The following EGFL7 variants were observed in gnomAD, a reference collection of about 807,000 sequenced individuals.
The protein encoded by EGFL7 is epidermal growth factor-like protein 7.
Under a neutral mutation model 37.1 loss-of-function variants are expected in EGFL7, and 48 were observed. The observed-to-expected ratio is 1.29, with a 90% CI of 1.03 to 1.65. The LOEUF (loss-of-function observed/expected upper bound fraction) is 1.65. Ranked by LOEUF, EGFL7 falls within the 40% of genes most tolerant of loss-of-function variation. The probability of loss-of-function intolerance (pLI) is 0.00; values close to 1 mark genes in which losing one functional copy is unlikely to be tolerated. For missense variants in EGFL7, 384 were observed against 378.9 expected (o/e 1.01, Z -0.11); for synonymous variants, 180 against 156.8 (o/e 1.15, Z -1.10).
Position 136,669,905 on chromosome 9 carries a change from C to T in EGFL7, c.314-9C>T, listed in dbSNP as rs766903282. 1.7e-5 allele frequency: 26 copies of T among 1,575,484 alleles called. No homozygotes were observed. Among genetic ancestry groups the T allele is most frequent in the African/African-American group, 1.6e-4 (12 of 73,720 alleles). On this transcript the variant is annotated splice_polypyrimidine_tract_variant and intron_variant, in intron 6 of 10. Coordinates refer to ENST00000308874, the MANE Select transcript of EGFL7 (RefSeq NM_016215.5). The stretch of plus-strand genomic sequence containing the variant: ...AACTGAGCTGGTGACCAGCCTCCCC[C>T]GCCCACAGCAATATGCCAGCCGCCA...
Position 136,663,586 on chromosome 9 carries a change from G to A in EGFL7, c.-174G>A, listed in dbSNP as rs1490497483. 2 of 152,272 alleles carry A rather than the reference G, an allele frequency of 1.3e-5. No homozygotes were observed. Among genetic ancestry groups the A allele is most frequent in the Non-Finnish European group, 2.9e-5 (2 of 68,074 alleles). 9.4% of individuals were successfully genotyped at this position (152,272 alleles called of 1,614,324 possible). A position where few individuals can be genotyped will look rare whatever the true frequency, so the allele number is the denominator to read the frequency against. Reference sequence around the variant, plus strand: ...GGCCCCGAGGGAGAGGAACCCCAAAGCCACATCTGTAGCCAGGATGAGCAG... The same window carrying A: ...GGCCCCGAGGGAGAGGAACCCCAAAACCACATCTGTAGCCAGGATGAGCAG... On this transcript the variant is annotated 5_prime_UTR_variant, in exon 2 of 11. Transcript: ENST00000308874.
In EGFL7 at chr9:136,669,716, G is replaced by A. The variant is rs1206792617; in HGVS notation, c.308G>A (p.Gly103Glu). The A allele has an allele frequency of 6.3e-7, 1 of 1,591,748 alleles. No homozygotes were observed. The highest frequency in any genetic ancestry group is 8.5e-7 in the Non-Finnish European group (1 of 1,169,784). Residue 103 changes from glycine to glutamate, a missense_variant, in exon 6 of 11, where the codon GGA (glycine) becomes GAA (glutamate). Coordinates refer to ENST00000308874, the MANE Select transcript of EGFL7 (RefSeq NM_016215.5). ...KRTSGLPGAC[G>E]AAICQPPCRN... ...ACCAGCGGGCTTCCTGGGGCCTGTG[G>A]AGCAGGTGAGGGCTATGTCCCTCGG...
At chr9:136,663,222 A>AGGTCACAGGGGAGG (rs1488751886) in intron 1 of EGFL7, 114 bp downstream of exon 1, 2 of 152,378 alleles carry the variant, frequency 1.3e-5, no homozygotes, top group African/African-American at 4.8e-5. Context: ...CTCCCCAGCG[A>AGGTCACAGGGGAGG]GGTCACAGGG....
chr9:136,660,761 T>C (rs993742319), upstream of EGFL7, among the ~76,000 whole-genome samples: 4 of 152,062 alleles, frequency 2.6e-5, no homozygotes, highest in Non-Finnish European at 4.4e-5. Context: ...GGTTGGGACA[T>C]AGGACAAGCT....
intron 3 of EGFL7, among the ~76,000 whole-genome samples, chr9:136,667,984 C>T (rs558261056): frequency 3.3e-5 from 5 of 152,346 alleles, no homozygotes; most frequent in Admixed American, 6.5e-5. Flanking sequence ...CCACTCGATT[C>T]CTGCACCAAG....
At chr9:136,669,045 C>T (rs112082874) in intron 5 of EGFL7, among the ~76,000 whole-genome samples, 82 of 152,304 alleles carry the variant, frequency 5.4e-4, no homozygotes, top group African/African-American at 1.8e-3. Context: ...CCTGACTCCC[C>T]TGGTCCCACT....
chr9:136,662,051 T>C (rs1269216634), upstream of EGFL7, among the ~76,000 whole-genome samples: 2 of 138,662 alleles, frequency 1.4e-5, no homozygotes, highest in Non-Finnish European at 3.1e-5. Flanking sequence ...GGCCTGAGGC[T>C]CCCACTGCCG....
chr9:136,666,045 G>A lies in EGFL7; in HGVS notation c.-43+1260G>A, dbSNP rs971338119. On this transcript the variant is annotated intron_variant, in intron 3 of 10. Transcript: ENST00000308874. The surrounding 1 kb of genome is among the most constrained non-coding windows in gnomAD (Gnocchi z 6.8). ...GGGAGAATGGGCCCAGCGGCCCCGGGAACCGGCTCCCCCTGCCGGCGGCGG... is the reference window on the plus strand; with the variant it reads ...GGGAGAATGGGCCCAGCGGCCCCGGAAACCGGCTCCCCCTGCCGGCGGCGG... Among the ~76,000 whole-genome samples the A allele has an allele frequency of 3.9e-3, 571 of 146,196 alleles. 3 individuals carry two copies. Among genetic ancestry groups the A allele is most frequent in the Non-Finnish European group, 6.7e-3 (441 of 65,746 alleles).
chr9:136,663,953 C>T (rs1227576838), intron 2 of EGFL7, among the ~76,000 whole-genome samples: 1 of 152,216 alleles, frequency 6.6e-6, no homozygotes, highest in Non-Finnish European at 1.5e-5. Flanking sequence ...CAGACTCAGG[C>T]AGGAGAGGTG....
chr9:136,668,756 G>T, intron 5 of EGFL7, 83 bp downstream of exon 5: 2 of 1,206,242 alleles, frequency 1.7e-6, no homozygotes, highest in Non-Finnish European at 1.2e-6. Flanking sequence ...CGAGGCGGGG[G>T]TGAATCCTGG....
chr9:136,668,409 G>A (rs1845616125), intron 4 of EGFL7, 47 bp downstream of exon 4: 1 of 1,534,160 alleles, frequency 6.5e-7, no homozygotes, highest in Admixed American at 1.9e-5. Flanking sequence ...GGGACCGGGA[G>A]CCCTCAGCAC....
chr9:136,667,917 G>A (rs1239219804), intron 3 of EGFL7, among the ~76,000 whole-genome samples: 1 of 152,190 alleles, frequency 6.6e-6, no homozygotes, highest in Non-Finnish European at 1.5e-5. Flanking sequence ...CAGGAGAAAC[G>A]GCCACCCGTA....
chr9:136,672,220 T>C (rs758797539), intron 10 of EGFL7, 44 bp from the exon 11 acceptor site: 2 of 1,613,066 alleles, frequency 1.2e-6, no homozygotes, highest in East Asian at 2.2e-5. Context: ...GCGGGGAGGC[T>C]GTGGGGAGCA....
At chr9:136,671,584 C>T (rs1845905040) in intron 9 of EGFL7, among the ~76,000 whole-genome samples, 1 of 151,592 alleles carries the variant, frequency 6.6e-6, no homozygotes, top group Non-Finnish European at 1.5e-5. Flanking sequence ...AGACAATACA[C>T]AGAGCCTGGA....
chr9:136,663,146 C>G (rs1357556411), intron 1 of EGFL7, 38 bp downstream of exon 1: 2 of 152,392 alleles, frequency 1.3e-5, no homozygotes, highest in African/African-American at 4.8e-5. Context: ...AGGGAGCGGA[C>G]AGGGCGGGCC....
Position 136,666,155 on chromosome 9 carries a change from C to T in EGFL7, c.-43+1370C>T, listed in dbSNP as rs1845460897. 6.7e-6 allele frequency among the ~76,000 whole-genome samples: 1 copy of T among 150,018 alleles called. No individual in the cohort carries two copies. The highest frequency in any genetic ancestry group is 1.5e-5 in the Non-Finnish European group (1 of 67,136). On this transcript the variant is annotated intron_variant, in intron 3 of 10. Transcript: ENST00000308874. The surrounding 1 kb of genome is among the most constrained non-coding windows in gnomAD (Gnocchi z 6.8). Reference sequence around the variant, plus strand: ...GCGACTCAGCGCCTCGGGGCCCAGCCTGTGCCGCCTGCTCCGCCCCCCGCG... The same window carrying T: ...GCGACTCAGCGCCTCGGGGCCCAGCTTGTGCCGCCTGCTCCGCCCCCCGCG...
intron 3 of EGFL7, among the ~76,000 whole-genome samples, chr9:136,665,035 G>A (rs1192726149): frequency 1.3e-5 from 2 of 152,230 alleles, no homozygotes; most frequent in Admixed American, 6.5e-5. Context: ...GGAGAAGAGA[G>A]GTGACCAGCC....
In EGFL7 at chr9:136,670,793, G is replaced by T. The variant is rs112088003; in HGVS notation, c.572-157G>T. On this transcript the variant is annotated intron_variant, in intron 8 of 10. Transcript: ENST00000308874. The stretch of plus-strand genomic sequence containing the variant: ...CGCCCCGACGTACTTAGGCGGCATA[G>T]CCCTGAGACCTCTGGCCAGCGCCAG... 6.5e-6 allele frequency: 5 copies of T among 767,222 alleles called. No homozygotes were observed. In the African/African-American group the frequency reaches 6.9e-5, roughly 11 times the overall value. 47.5% of individuals were successfully genotyped at this position (767,222 alleles called of 1,614,324 possible).
chr9:136,670,884 G>A (rs946562030), intron 8 of EGFL7, 66 bp from the exon 9 acceptor site: 1 of 1,442,406 alleles, frequency 6.9e-7, no homozygotes, highest in African/African-American at 1.4e-5. Flanking sequence ...CTGGGGACAG[G>A]AGGGAGCCTG....
Sources: allele counts gnomAD v4.1 joint callset (sites outside exome capture counted in the v4.1 genomes callset), GRCh38; gene constraint gnomAD v4.1.1; non-coding constraint Gnocchi (gnomAD v3.1); transcripts MANE v1.5; gene names NCBI Gene and HGNC (gene_info 2026-07-23, HGNC 2026-07-21).